Variants in CDH12 observed in about 807,000 individuals in gnomAD.
CDH12 encodes cadherin 12.
In CDH12, 41 loss-of-function variants were observed where a neutral mutation model predicts 74.1. The ratio of observed to expected loss-of-function variants is 0.55; its 90% confidence interval spans 0.43 to 0.72. The LOEUF (loss-of-function observed/expected upper bound fraction) is 0.72. CDH12 is among the 30% of genes least tolerant of loss of function. CDH12 has a pLI of 0.00. For synonymous variants in CDH12, 399 were observed against 355.0 expected (o/e 1.12, Z -1.39); for missense variants, 945 against 977.2 (o/e 0.97, Z 0.44).
At chr5:22,624,514 C>T (rs949820575) in intron 1 of CDH12, among the ~76,000 whole-genome samples, 8 of 152,166 alleles carry the variant, frequency 5.3e-5, no homozygotes, top group Admixed American at 3.9e-4. Flanking sequence ...TGAACAGACA[C>T]TTCTCAAAAG....
chr5:22,544,090 T>C (rs1212797364), intron 1 of CDH12, among the ~76,000 whole-genome samples: 2 of 152,138 alleles, frequency 1.3e-5, no homozygotes, highest in Non-Finnish European at 2.9e-5. Flanking sequence ...CCTTCATTCA[T>C]CTCTACAGCC....
intron 1 of CDH12, among the ~76,000 whole-genome samples, chr5:22,815,932 T>C (rs760862807): frequency 4.6e-5 from 7 of 152,018 alleles, no homozygotes; most frequent in Non-Finnish European, 8.8e-5. Context: ...AATTATGTTC[T>C]AGGTTTGAAA....
At chr5:21,950,780 T>TATTATA (rs1755822340) in intron 6 of CDH12, among the ~76,000 whole-genome samples, 1 of 146,296 alleles carries the variant, frequency 6.8e-6, no homozygotes, top group East Asian at 2.0e-4. Flanking sequence ...TTATTATTAT[T>TATTATA]ATTATTATTA....
At chr5:22,275,919 T>C (rs563025100) in intron 3 of CDH12, among the ~76,000 whole-genome samples, 1 of 152,156 alleles carries the variant, frequency 6.6e-6, no homozygotes, top group African/African-American at 2.4e-5. Flanking sequence ...GTGTCCTGCA[T>C]AGCAAATATT....
intron 4 of CDH12, among the ~76,000 whole-genome samples, chr5:22,103,381 A>C (rs1439119684): frequency 6.6e-6 from 1 of 152,214 alleles, no homozygotes; most frequent in Non-Finnish European, 1.5e-5. Context: ...CCAGCCATCC[A>C]AATGATAGAG....
At chr5:22,600,826 A>T (rs269880) in intron 1 of CDH12, among the ~76,000 whole-genome samples, 74,443 of 151,826 alleles carry the variant, frequency 0.49, 18,542 homozygotes, top group Admixed American at 0.58. Context: ...ACACACCCCA[A>T]AAAATGTGTG....
intron 8 of CDH12, among the ~76,000 whole-genome samples, chr5:21,833,003 T>A (rs1449000755): frequency 6.7e-5 from 5 of 74,766 alleles, no homozygotes; most frequent in Non-Finnish European, 1.1e-4. Context: ...ATTAATATAT[T>A]ATATATAATA....
intron 5 of CDH12, among the ~76,000 whole-genome samples, chr5:22,023,169 C>T (rs760015082): frequency 5.9e-5 from 9 of 152,126 alleles, no homozygotes; most frequent in Non-Finnish European, 1.0e-4. Context: ...ACCAACCACA[C>T]TGAGTATTCA....
chr5:22,341,100 A>C (rs1299591411), intron 3 of CDH12, among the ~76,000 whole-genome samples: 1 of 152,178 alleles, frequency 6.6e-6, no homozygotes, highest in African/African-American at 2.4e-5. Flanking sequence ...AGACTCAGCT[A>C]ATGTAAATTC....
chr5:21,890,809 T>G (rs1752863487), intron 6 of CDH12, among the ~76,000 whole-genome samples: 1 of 152,100 alleles, frequency 6.6e-6, no homozygotes, highest in Admixed American at 6.6e-5. Flanking sequence ...GTGAGGATAC[T>G]GTCAAATTTA....
At chr5:22,289,357 T>A (rs1487756330) in intron 3 of CDH12, among the ~76,000 whole-genome samples, 2 of 152,140 alleles carry the variant, frequency 1.3e-5, no homozygotes. Flanking sequence ...GGCAACTGAA[T>A]AAAATTAATG....
chr5:22,125,464 T>G (rs1361838450), intron 4 of CDH12, among the ~76,000 whole-genome samples: 1 of 152,236 alleles, frequency 6.6e-6, no homozygotes, highest in African/African-American at 2.4e-5. Context: ...GGCTGCATAG[T>G]ATTCCATGGT....
intron 3 of CDH12, among the ~76,000 whole-genome samples, chr5:22,244,397 A>T (rs973092494): frequency 3.4e-5 from 5 of 148,900 alleles, no homozygotes; most frequent in Admixed American, 1.4e-4. Flanking sequence ...AGGGAGGATG[A>T]GGCACAATAA....
At chr5:22,519,061 A>T (rs1736932814) in intron 1 of CDH12, among the ~76,000 whole-genome samples, 1 of 152,054 alleles carries the variant, frequency 6.6e-6, no homozygotes, top group African/African-American at 2.4e-5. Context: ...CCAGAGAAAG[A>T]CAGAAGATTT....
intron 6 of CDH12, among the ~76,000 whole-genome samples, chr5:21,861,734 C>T (rs1465766902): frequency 6.6e-6 from 1 of 152,036 alleles, no homozygotes; most frequent in Non-Finnish European, 1.5e-5. Flanking sequence ...CATATAGATT[C>T]AACATATTGA....
chr5:21,911,510 A>G (rs1335722272), intron 6 of CDH12, among the ~76,000 whole-genome samples: 1 of 152,112 alleles, frequency 6.6e-6, no homozygotes, highest in Non-Finnish European at 1.5e-5. Context: ...AAGATACTAT[A>G]CATGAAGTAT....
intron 1 of CDH12, among the ~76,000 whole-genome samples, chr5:22,741,561 C>T (rs1421223472): frequency 2.0e-5 from 3 of 152,002 alleles, no homozygotes; most frequent in Non-Finnish European, 4.4e-5. Context: ...TGCCTTTCAG[C>T]CTCCATCATC....
rs1338098512 is a variant in CDH12, at chr5:22,853,287, A to G, written c.-752T>C. 1 of 152,146 alleles carries G rather than the reference A, an allele frequency of 6.6e-6. No individual in the cohort carries two copies. The highest frequency in any genetic ancestry group is 1.5e-5 in the Non-Finnish European group (1 of 68,052). The allele number at this position is 152,146 out of a possible 1,614,324, so 9.4% of individuals were successfully genotyped here. ...CCTGGAAGAGGCTGCCTCTCTTCTC[A>G]GAAAAGCCTGGACCCCTCTCTGTGG... On this transcript the variant is annotated 5_prime_UTR_variant, in exon 1 of 15. Transcript: ENST00000382254.
chr5:22,462,160 T>A (rs573351188), intron 2 of CDH12, among the ~76,000 whole-genome samples: 1 of 151,930 alleles, frequency 6.6e-6, no homozygotes, highest in African/African-American at 2.4e-5. Context: ...ACAAGGAAAC[T>A]CCCCAGCAAT....
Sources: gnomAD v4.1 joint callset for allele counts (sites outside exome capture counted in the v4.1 genomes callset) on GRCh38, gnomAD v4.1.1 for gene constraint, MANE v1.5 for transcripts, NCBI Gene and HGNC (gene_info 2026-07-23, HGNC 2026-07-21) for gene names.